The following ENAH variants were observed in gnomAD, a reference collection of about 807,000 sequenced individuals.
The protein encoded by ENAH is ENAH actin regulator, also known as protein enabled homolog.
ENAH carries 23 observed loss-of-function variants against 78.7 expected under a neutral mutation model. That is an observed-to-expected ratio of 0.29 (90% confidence interval 0.21 to 0.41). The LOEUF (loss-of-function observed/expected upper bound fraction) is 0.41, where lower values mean the gene tolerates loss of function less well. ENAH is among the 10% of genes least tolerant of loss of function. The probability of loss-of-function intolerance (pLI) is 1.00; values close to 1 mark genes in which losing one functional copy is unlikely to be tolerated. For missense variants in ENAH, 544 were observed against 691.0 expected (o/e 0.79, Z 2.39); for synonymous variants, 226 against 241.0 (o/e 0.94, Z 0.58).
Position 225,611,795 on chromosome 1 carries a change from G to A in ENAH, c.5+40891C>T, listed in dbSNP as rs552668124. On this transcript the variant is annotated intron_variant, in intron 1 of 13. Coordinates refer to ENST00000366843, the MANE Select transcript of ENAH (RefSeq NM_018212.6). ...GAGTGAGAAAAAGATAATACTCAAC[G>A]GCCAACAAGCACATGAAGAGATGCT... Among the ~76,000 whole-genome samples, 14 of 152,062 alleles carry A rather than the reference G, an allele frequency of 9.2e-5. No individual in the cohort carries two copies. The South Asian group carries it at 2.1e-3, about 23-fold the overall frequency.
chr1:225,622,109 T>C (rs527922313), intron 1 of ENAH, among the ~76,000 whole-genome samples: 2 of 152,306 alleles, frequency 1.3e-5, no homozygotes, highest in Admixed American at 1.3e-4. Flanking sequence ...TGTAACAACA[T>C]GGAAAAGTGT....
rs1182134177 is a variant in ENAH, at chr1:225,493,843, G to A, written c.*3932C>T. On this transcript the variant is annotated 3_prime_UTR_variant, in exon 14 of 14. Transcript: ENST00000366843. The stretch of plus-strand genomic sequence containing the variant: ...ACCTTGTAGCATACCTTTGCACACT[G>A]TGCTTCATAGGGTAATACTACTTAG... The A allele has an allele frequency of 6.6e-6, 1 of 152,048 alleles. No individual in the cohort carries two copies. Among genetic ancestry groups the A allele is most frequent in the East Asian group, 1.9e-4 (1 of 5,202 alleles). The allele number at this position is 152,048 out of a possible 1,614,324, so 9.4% of individuals were successfully genotyped here. A position where few individuals can be genotyped will look rare whatever the true frequency, so the allele number is the denominator to read the frequency against.
chr1:225,517,438 G>T, intron 5 of ENAH, 132 bp from the exon 6 acceptor site: 1 of 1,551,738 alleles, frequency 6.4e-7, no homozygotes, highest in Non-Finnish European at 8.7e-7. Context: ...CGGCGGCGGA[G>T]GAGCTGCTGG....
chr1:225,578,054 G>A (rs1452063005), intron 1 of ENAH, among the ~76,000 whole-genome samples: 1 of 152,096 alleles, frequency 6.6e-6, no homozygotes, highest in Non-Finnish European at 1.5e-5. Context: ...AACATACCTG[G>A]AGACAGAGAA....
At chr1:225,636,879 GACAAA>G (rs1263617565) in intron 1 of ENAH, among the ~76,000 whole-genome samples, 20 of 151,924 alleles carry the variant, frequency 1.3e-4, no homozygotes, top group Admixed American at 2.6e-4. Context: ...AGAGCTAGTC[GACAAA>G]AACTATGAAA....
intron 1 of ENAH, among the ~76,000 whole-genome samples, chr1:225,618,657 T>C (rs1425953578): frequency 6.6e-6 from 1 of 152,228 alleles, no homozygotes; most frequent in Non-Finnish European, 1.5e-5. Context: ...GAAATATAGA[T>C]GAATTCTCAG....
At chr1:225,638,818 T>C (rs912209064) in intron 1 of ENAH, among the ~76,000 whole-genome samples, 1 of 152,180 alleles carries the variant, frequency 6.6e-6, no homozygotes, top group East Asian at 1.9e-4. Flanking sequence ...ACGACATATA[T>C]GTAAAAATGT....
chr1:225,625,581 G>T (rs1025890798), intron 1 of ENAH, among the ~76,000 whole-genome samples: 12 of 152,162 alleles, frequency 7.9e-5, no homozygotes, highest in Non-Finnish European at 1.3e-4. Context: ...GCAGTGTAAT[G>T]ACATGATCTC....
At chr1:225,600,098 C>A (rs1190958154) in intron 1 of ENAH, among the ~76,000 whole-genome samples, 2 of 152,196 alleles carry the variant, frequency 1.3e-5, no homozygotes, top group African/African-American at 4.8e-5. Context: ...CACCACACTT[C>A]CTATAAAGCC....
At chr1:225,555,174 G>T in intron 2 of ENAH, 91 bp from the exon 3 acceptor site, 1 of 1,179,312 alleles carries the variant, frequency 8.5e-7, no homozygotes. Flanking sequence ...TCATTCAAAT[G>T]TGTTCCTAAC....
chr1:225,652,803 G>T lies in ENAH; in HGVS notation c.-113C>A. 2.2e-6 allele frequency: 2 copies of T among 903,716 alleles called. No homozygotes were observed. Among genetic ancestry groups the T allele is most frequent in the Non-Finnish European group, 2.9e-6 (2 of 678,198 alleles). 56.0% of individuals were successfully genotyped at this position (903,716 alleles called of 1,614,324 possible). A position where few individuals can be genotyped will look rare whatever the true frequency, so the allele number is the denominator to read the frequency against. On this transcript the variant is annotated 5_prime_UTR_variant, in exon 1 of 14. Coordinates refer to ENST00000366843, the MANE Select transcript of ENAH (RefSeq NM_018212.6). ...AGCAGCTCGGAGACGGGAGACAAGT[G>T]TCCGGCTCCTCCTTCGGCGGCCAGG...
At chr1:225,628,861 G>A (rs1021748792) in intron 1 of ENAH, among the ~76,000 whole-genome samples, 11 of 148,908 alleles carry the variant, frequency 7.4e-5, no homozygotes, top group Admixed American at 6.0e-4. Flanking sequence ...AGTGGAGATC[G>A]CGTCATTGCA....
At chr1:225,536,367 T>C (rs2096561449) in intron 3 of ENAH, among the ~76,000 whole-genome samples, 1 of 151,988 alleles carries the variant, frequency 6.6e-6, no homozygotes, top group African/African-American at 2.4e-5. Flanking sequence ...ACACTCAAAA[T>C]TGAGATGAGA....
chr1:225,620,919 C>T (rs12024437), intron 1 of ENAH, among the ~76,000 whole-genome samples: 4 of 151,646 alleles, frequency 2.6e-5, no homozygotes, highest in East Asian at 3.9e-4. Flanking sequence ...GCAAGAGAAT[C>T]GTTTGAACCT....
chr1:225,598,812 A>G (rs2096915601), intron 1 of ENAH, among the ~76,000 whole-genome samples: 1 of 152,086 alleles, frequency 6.6e-6, no homozygotes, highest in African/African-American at 2.4e-5. Context: ...GAAATGGAAA[A>G]TCACCATTTA....
At chr1:225,630,467 G>A (rs1658810059) in intron 1 of ENAH, among the ~76,000 whole-genome samples, 1 of 152,106 alleles carries the variant, frequency 6.6e-6, no homozygotes, top group South Asian at 2.1e-4. Flanking sequence ...ACGAATTAAA[G>A]GATTTAGAAG....
In ENAH at chr1:225,647,667, T is replaced by C. The variant is rs924302118; in HGVS notation, c.5+5019A>G. On this transcript the variant is annotated intron_variant, in intron 1 of 13. Coordinates refer to ENST00000366843, the MANE Select transcript of ENAH (RefSeq NM_018212.6). ...TTAATTAAATTATGTTATTAACATTTAGTATCCACCAAATACTACACTACA... is the reference window on the plus strand; with the variant it reads ...TTAATTAAATTATGTTATTAACATTCAGTATCCACCAAATACTACACTACA... Among the ~76,000 whole-genome samples the C allele has an allele frequency of 2.0e-5, 3 of 152,202 alleles. No homozygotes were observed. The South Asian group carries it at 6.2e-4, about 31-fold the overall frequency.
chr1:225,624,522 G>C (rs1227273233), intron 1 of ENAH, among the ~76,000 whole-genome samples: 1 of 152,062 alleles, frequency 6.6e-6, no homozygotes, highest in African/African-American at 2.4e-5. Flanking sequence ...TACTTGGGAG[G>C]CTGAGGAAGG....
intron 1 of ENAH, among the ~76,000 whole-genome samples, chr1:225,625,247 G>A (rs1657737167): frequency 6.6e-6 from 1 of 152,160 alleles, no homozygotes; most frequent in East Asian, 1.9e-4. Flanking sequence ...TGCAGATAAA[G>A]TTAATTTTCT....
Sources: allele counts gnomAD v4.1 joint callset (sites outside exome capture counted in the v4.1 genomes callset), GRCh38; gene constraint gnomAD v4.1.1; transcripts MANE v1.5; gene names NCBI Gene and HGNC (gene_info 2026-07-23, HGNC 2026-07-21).